The following PSTPIP2 variants were observed in gnomAD, a reference collection of about 807,000 sequenced individuals.
PSTPIP2 encodes proline-serine-threonine phosphatase-interacting protein 2.
In PSTPIP2, 33 loss-of-function variants were observed where a neutral mutation model predicts 63.3. The ratio of observed to expected loss-of-function variants is 0.52; its 90% CI spans 0.40 to 0.70. The LOEUF is 0.70. Ranked by LOEUF, PSTPIP2 falls within the 30% of genes least tolerant of loss-of-function variation. The pLI, the probability that PSTPIP2 is intolerant of heterozygous loss-of-function variation, is 0.00. For missense variants in PSTPIP2, 312 were observed against 400.7 expected (o/e 0.78, Z 1.89); for synonymous variants, 125 against 132.7 (o/e 0.94, Z 0.40).
chr18:46,064,194 G>A (rs191689560), intron 1 of PSTPIP2, among the ~76,000 whole-genome samples: 2 of 151,170 alleles, frequency 1.3e-5, no homozygotes, highest in East Asian at 3.9e-4. Context: ...CAGCCAAACT[G>A]AATCCTATTT....
intron 6 of PSTPIP2, among the ~76,000 whole-genome samples, chr18:46,003,852 G>A (rs1212209149): frequency 1.3e-5 from 2 of 151,618 alleles, no homozygotes; most frequent in Non-Finnish European, 2.9e-5. Context: ...CACCTCCTGG[G>A]TTCAAGCGAT....
rs557410853 is a variant in PSTPIP2, at chr18:46,070,279, C to T, written c.33+1877G>A. On this transcript the variant is annotated intron_variant, in intron 1 of 14. Transcript: ENST00000409746. Reference sequence around the variant, plus strand: ...CCCACCAGACATTAGAGAGTACTCACTGACATGTTTGTACTGGCTGTGAAG... The same window carrying T: ...CCCACCAGACATTAGAGAGTACTCATTGACATGTTTGTACTGGCTGTGAAG... Among the ~76,000 whole-genome samples, 5 of 152,336 alleles carry T rather than the reference C, an allele frequency of 3.3e-5. No homozygotes were observed. In the East Asian group the frequency reaches 5.8e-4, roughly 18 times the overall value.
rs182936987 is a variant in PSTPIP2, at chr18:46,054,878, C to G, written c.34-14831G>C. On this transcript the variant is annotated intron_variant, in intron 1 of 14. Transcript: ENST00000409746. The stretch of plus-strand genomic sequence containing the variant: ...GCTTTACCGTTGGTCAAGCTGGTCT[C>G]AAACTCCTGACCTCGTTATCCACCC... 5.9e-3 allele frequency among the ~76,000 whole-genome samples: 894 copies of G among 152,032 alleles called. 5 individuals are homozygous for G. The highest frequency in any genetic ancestry group is 0.013 in the South Asian group (62 of 4,806).
intron 1 of PSTPIP2, 135 bp downstream of exon 1, chr18:46,072,021 C>T: frequency 1.7e-6 from 2 of 1,184,142 alleles, no homozygotes; most frequent in Non-Finnish European, 2.2e-6. Context: ...CCTTCACGCG[C>T]GAGCTCCGCC....
chr18:46,022,594 C>T (rs1907404020), intron 3 of PSTPIP2, among the ~76,000 whole-genome samples: 1 of 151,996 alleles, frequency 6.6e-6, no homozygotes, highest in South Asian at 2.1e-4. Context: ...ACATGAGACC[C>T]CTTGTTTATA....
intron 2 of PSTPIP2, among the ~76,000 whole-genome samples, chr18:46,036,231 A>G (rs2144107491): frequency 6.6e-6 from 1 of 151,416 alleles, no homozygotes; most frequent in East Asian, 1.9e-4. Context: ...GTAACAATGT[A>G]GTAGTTATAA....
chr18:45,995,328 C>A (rs2051582983), intron 9 of PSTPIP2, among the ~76,000 whole-genome samples: 1 of 152,062 alleles, frequency 6.6e-6, no homozygotes, highest in Admixed American at 6.5e-5. Flanking sequence ...GTCTTGAACT[C>A]CTGGGCTCAA....
At chr18:45,997,674 C>CG (rs1386628961) in intron 9 of PSTPIP2, 75 bp downstream of exon 9, 32 of 280,754 alleles carry the variant, frequency 1.1e-4, no homozygotes, top group Admixed American at 7.3e-4. Flanking sequence ...CTCCCCCCCC[C>CG]GTCCTGAGCA....
intron 6 of PSTPIP2, among the ~76,000 whole-genome samples, chr18:46,001,182 A>G (rs936909320): frequency 4.6e-5 from 7 of 152,236 alleles, no homozygotes; most frequent in African/African-American, 1.4e-4. Flanking sequence ...TGTTCTCCAT[A>G]GTGGCTGTAC....
At chr18:45,995,942 A>G (rs1417533375) in intron 9 of PSTPIP2, among the ~76,000 whole-genome samples, 1 of 152,130 alleles carries the variant, frequency 6.6e-6, no homozygotes, top group East Asian at 1.9e-4. Flanking sequence ...CAGCCTCCCA[A>G]GTAGCTGGGA....
chr18:46,028,968 C>T (rs928282189), intron 2 of PSTPIP2: 1 of 1,050,694 alleles, frequency 9.5e-7, no homozygotes, highest in Non-Finnish European at 1.5e-6. Context: ...CTGCTCAGAT[C>T]TCATCTGTGC....
chr18:46,068,488 C>T (rs1170239244), intron 1 of PSTPIP2, among the ~76,000 whole-genome samples: 1 of 151,858 alleles, frequency 6.6e-6, no homozygotes, highest in East Asian at 2.0e-4. Flanking sequence ...TTAGTAGAGA[C>T]GGGGTTTCAC....
intron 5 of PSTPIP2, among the ~76,000 whole-genome samples, chr18:46,009,205 C>T (rs1052728768): frequency 2.0e-5 from 3 of 152,004 alleles, no homozygotes; most frequent in African/African-American, 7.3e-5. Flanking sequence ...CCAGGACCTG[C>T]ACCTCTTGTG....
At position 46,068,995 on chromosome 18, in the gene PSTPIP2, C is replaced by A. The variant is rs556179230; in HGVS notation, c.33+3161G>T. On this transcript the variant is annotated intron_variant, in intron 1 of 14. Transcript: ENST00000409746. ...CTAGTCAATCCCAGGCAGAGAGAAG[C>A]CCTGCCCACTACAGGAACAGGGTTG... Among the ~76,000 whole-genome samples, 5 of 152,264 alleles carry A rather than the reference C, an allele frequency of 3.3e-5. No individual in the cohort carries two copies. In the East Asian group the frequency reaches 9.7e-4, roughly 29 times the overall value.
chr18:46,011,067 C>A (rs2051790225), intron 5 of PSTPIP2, 114 bp downstream of exon 5: 1 of 872,138 alleles, frequency 1.1e-6, no homozygotes. Context: ...TAAGTAATTT[C>A]TCAGGTCATG....
In PSTPIP2 at chr18:46,021,848, CAAAAAAAAAA is replaced by C. The variant is rs59094808; in HGVS notation, c.212+2751_212+2760del. Among the ~76,000 whole-genome samples, 18 of 33,286 alleles carry C rather than the reference CAAAAAAAAAA, an allele frequency of 5.4e-4. 1 individual carries two copies. Among genetic ancestry groups the C allele is most frequent in the Non-Finnish European group, 7.3e-4 (11 of 15,166 alleles). The allele number at this position is 33,286 out of a possible 152,430, so 21.8% of individuals were successfully genotyped here. A position where few individuals can be genotyped will look rare whatever the true frequency, so the allele number is the denominator to read the frequency against. On this transcript the variant is annotated intron_variant, in intron 3 of 14. Coordinates refer to ENST00000409746, the MANE Select transcript of PSTPIP2 (RefSeq NM_024430.4). The stretch of plus-strand genomic sequence containing the variant: ...TGGGCAACAAAGCGAGACTCTGTCT[CAAAAAAAAAA>C]AAAAAAAAAAAAAAAAAAGAACTGA...
At chr18:46,063,186 G>T (rs1476273274) in intron 1 of PSTPIP2, among the ~76,000 whole-genome samples, 1 of 151,830 alleles carries the variant, frequency 6.6e-6, no homozygotes, top group Non-Finnish European at 1.5e-5. Flanking sequence ...AATTTTTTTT[G>T]TAGAGACAGG....
At chr18:46,068,000 T>C (rs1332447384) in intron 1 of PSTPIP2, among the ~76,000 whole-genome samples, 1 of 152,178 alleles carries the variant, frequency 6.6e-6, no homozygotes, top group African/African-American at 2.4e-5. Flanking sequence ...TTCTGTATTT[T>C]TTTTTTAAAG....
At chr18:46,050,328 G>C (rs1256687475) in intron 1 of PSTPIP2, among the ~76,000 whole-genome samples, 1 of 152,146 alleles carries the variant, frequency 6.6e-6, no homozygotes, top group Non-Finnish European at 1.5e-5. Flanking sequence ...CCAACACTAT[G>C]GGAGGCCAAG....
Sources: allele counts gnomAD v4.1 joint callset (sites outside exome capture counted in the v4.1 genomes callset), GRCh38; gene constraint gnomAD v4.1.1; transcripts MANE v1.5; gene names NCBI Gene and HGNC (gene_info 2026-07-23, HGNC 2026-07-21).